ULK4: variants seen among roughly 807,000 people sequenced by gnomAD.
ULK4 encodes the protein unc-51 like kinase 4.
Under a neutral mutation model 160.6 loss-of-function variants are expected in ULK4, and 133 were observed. That is an observed-to-expected ratio of 0.83 (90% CI 0.72 to 0.96). ULK4 has a LOEUF of 0.96. ULK4 is among the 40% of genes least tolerant of loss of function. The pLI is 0.00. For missense variants in ULK4, 1,580 were observed against 1,499.5 expected, an observed-to-expected ratio of 1.05 and a Z score of -0.89; for synonymous variants, 534 against 539.8, an observed-to-expected ratio of 0.99 and a Z score of 0.15.
intron 12 of ULK4, among the ~76,000 whole-genome samples, chr3:41,907,173 T>C (rs9838537): frequency 0.17 from 25,414 of 152,046 alleles, 2,465 homozygotes; most frequent in Admixed American, 0.23. Context: ...TGGAGAAACA[T>C]GGGGTGGCGG....
intron 34 of ULK4, among the ~76,000 whole-genome samples, chr3:41,422,646 T>G (rs956315540): frequency 6.6e-6 from 1 of 152,188 alleles, no homozygotes; most frequent in Non-Finnish European, 1.5e-5. Context: ...TACGTCATTT[T>G]TACCTATCAA....
intron 36 of ULK4, among the ~76,000 whole-genome samples, chr3:41,247,715 C>A (rs901155757): frequency 6.6e-6 from 1 of 152,182 alleles, no homozygotes; most frequent in African/African-American, 2.4e-5. Context: ...CCCTGTGTGA[C>A]AGAAGGAATG....
rs530483521 is a variant in ULK4, at chr3:41,495,671, C to T, written c.3227-32418G>A. On this transcript the variant is annotated intron_variant, in intron 32 of 36. Coordinates refer to ENST00000301831, the MANE Select transcript of ULK4 (RefSeq NM_017886.4). ...ACAAAATGGGAGAAAATTTTTGCAA[C>T]CTACTCATCTGACAAAGGGCTAATA... is the stretch of plus-strand genomic sequence containing the variant. 4.9e-3 allele frequency among the ~76,000 whole-genome samples: 736 copies of T among 151,064 alleles called. 5 individuals are homozygous for T. The highest frequency in any genetic ancestry group is 0.017 in the African/African-American group (705 of 41,110).
chr3:41,394,327 C>T (rs745848796), intron 35 of ULK4, among the ~76,000 whole-genome samples: 10 of 152,114 alleles, frequency 6.6e-5, no homozygotes, highest in Non-Finnish European at 1.2e-4. Context: ...TATCACACTC[C>T]TCTTTGGGTA....
At position 41,692,613 on chromosome 3, in the gene ULK4, T is replaced by C. The variant is rs56345601; in HGVS notation, c.2782-10809A>G. Among the ~76,000 whole-genome samples the C allele has an allele frequency of 6.0e-3, 914 of 152,066 alleles. 9 individuals are homozygous for C. The highest frequency in any genetic ancestry group is 0.021 in the African/African-American group (891 of 41,470). On this transcript the variant is annotated intron_variant, in intron 27 of 36. Coordinates refer to ENST00000301831, the MANE Select transcript of ULK4 (RefSeq NM_017886.4). ...CCCTAATCAAGCTCCTCTGTACCAGTGATCTCTATTATAAAATTCTATCAG... is the reference window on the plus strand; with the variant it reads ...CCCTAATCAAGCTCCTCTGTACCAGCGATCTCTATTATAAAATTCTATCAG...
chr3:41,527,761 A>G (rs1350661009), intron 32 of ULK4, among the ~76,000 whole-genome samples: 1 of 152,250 alleles, frequency 6.6e-6, no homozygotes, highest in Non-Finnish European at 1.5e-5. Flanking sequence ...TTTATTGCAG[A>G]TTTGTTATAC....
chr3:41,413,620 T>C (rs2082458012), intron 34 of ULK4, among the ~76,000 whole-genome samples: 1 of 152,174 alleles, frequency 6.6e-6, no homozygotes, highest in African/African-American at 2.4e-5. Context: ...AGAAAATCTT[T>C]CTTGCCCCAT....
intron 4 of ULK4, among the ~76,000 whole-genome samples, chr3:41,935,209 A>ATTTATTTTTTTTTTTTTT (rs1559660879): frequency 2.2e-5 from 3 of 135,552 alleles, no homozygotes; most frequent in African/African-American, 6.5e-5. Context: ...TTATTTATTT[A>ATTTATTTTTTTTTTTTTT]TTTTTTTTTT....
chr3:41,755,920 C>T (rs1205410582), intron 21 of ULK4, among the ~76,000 whole-genome samples: 1 of 152,164 alleles, frequency 6.6e-6, no homozygotes, highest in Non-Finnish European at 1.5e-5. Context: ...GAAGAGCAAG[C>T]ATCATGTCCA....
chr3:41,368,014 TTATCA>T (rs2081286205), intron 35 of ULK4, among the ~76,000 whole-genome samples: 1 of 152,090 alleles, frequency 6.6e-6, no homozygotes, highest in Admixed American at 6.6e-5. Context: ...ATATTCCAAG[TTATCA>T]ACCATCACTA....
At chr3:41,302,243 T>C (rs1290240201) in intron 35 of ULK4, among the ~76,000 whole-genome samples, 2 of 152,232 alleles carry the variant, frequency 1.3e-5, no homozygotes, top group African/African-American at 4.8e-5. Flanking sequence ...CAACATTGCC[T>C]CTGATAATTG....
chr3:41,276,174 G>C (rs1433753527), intron 35 of ULK4, among the ~76,000 whole-genome samples: 1 of 152,226 alleles, frequency 6.6e-6, no homozygotes, highest in Non-Finnish European at 1.5e-5. Context: ...GCACTGACTA[G>C]TTGGTTCTTT....
chr3:41,926,315 G>A (rs941813563), intron 5 of ULK4, among the ~76,000 whole-genome samples: 4 of 152,136 alleles, frequency 2.6e-5, no homozygotes, highest in Non-Finnish European at 5.9e-5. Flanking sequence ...CAACAAAAAG[G>A]ACATCCACAC....
intron 19 of ULK4, among the ~76,000 whole-genome samples, chr3:41,814,302 C>G (rs1479638269): frequency 6.6e-6 from 1 of 152,164 alleles, no homozygotes. Context: ...TTTTCTGTCG[C>G]TTTCTCATTT....
intron 32 of ULK4, among the ~76,000 whole-genome samples, chr3:41,518,243 C>A (rs2085816458): frequency 6.6e-6 from 1 of 152,164 alleles, no homozygotes; most frequent in South Asian, 2.1e-4. Flanking sequence ...GACTAAAGAT[C>A]ATTTTATTGT....
intron 22 of ULK4, among the ~76,000 whole-genome samples, chr3:41,718,976 C>CCATAATCACTGTT (rs1431487477): frequency 6.6e-6 from 1 of 152,160 alleles, no homozygotes; most frequent in Non-Finnish European, 1.5e-5. Context: ...GTGGCTAGAG[C>CCATAATCACTGTT]CATAATCACT....
At chr3:41,248,508 C>A (rs553272762) in intron 36 of ULK4, among the ~76,000 whole-genome samples, 2 of 152,328 alleles carry the variant, frequency 1.3e-5, no homozygotes, top group Admixed American at 1.3e-4. Context: ...ATGGTATCCT[C>A]CCCTCTCACC....
chr3:41,767,376 T>C (rs1212335001), intron 21 of ULK4, among the ~76,000 whole-genome samples: 1 of 144,418 alleles, frequency 6.9e-6, no homozygotes, highest in African/African-American at 2.4e-5. Context: ...CTTTTTGCTT[T>C]TTTAATAAAA....
At chr3:41,395,281 G>A (rs1382139919) in intron 35 of ULK4, among the ~76,000 whole-genome samples, 2 of 151,412 alleles carry the variant, frequency 1.3e-5, no homozygotes, top group African/African-American at 4.8e-5. Flanking sequence ...GGCAGCCGTG[G>A]ATTGTAACTC....
Sources: allele counts gnomAD v4.1 joint callset (sites outside exome capture counted in the v4.1 genomes callset), GRCh38; gene constraint gnomAD v4.1.1; transcripts MANE v1.5; gene names NCBI Gene and HGNC (gene_info 2026-07-23, HGNC 2026-07-21).